Variants in TTN observed in about 807,000 individuals in gnomAD.
TTN encodes titin, also known as connectin.
TTN carries 1,525 observed loss-of-function variants against 3,223.0 expected under a neutral mutation model. The ratio of observed to expected loss-of-function variants is 0.47; its 90% CI spans 0.45 to 0.49. The LOEUF is 0.49. Ranked by LOEUF, TTN falls within the 20% of genes least tolerant of loss-of-function variation. The pLI is 0.00. For missense variants in TTN, 40,786 were observed against 43,424.0 expected (o/e 0.94, Z 5.40); for synonymous variants, 14,094 against 15,161.0 (o/e 0.93, Z 5.17).
chr2:178,541,252 A>G (rs766756891), intron 350 of TTN, 30 bp downstream of exon 350: 25 of 1,442,362 alleles, frequency 1.7e-5, no homozygotes, highest in Middle Eastern at 1.8e-4. Flanking sequence ...TTGTAACTCA[A>G]TCAATTTGAC....
At chr2:178,651,015 G>T (rs2062847975) in intron 208 of TTN, among the ~76,000 whole-genome samples, 181 bp from the exon 209 acceptor site, 1 of 152,026 alleles carries the variant, frequency 6.6e-6, no homozygotes, top group Non-Finnish European at 1.5e-5. Context: ...GGCCTATTAA[G>T]AATAAAAGAA....
At position 178,707,503 on chromosome 2, in the gene TTN, T is replaced by C. The variant is rs779730164; in HGVS notation, c.29041+23A>G. Reference sequence around the variant, plus strand: ...TGAGTGGTTGCTGGCTTGAGCTGCATAATACTTTTGAGGTGTCTGTACCTT... The same window carrying C: ...TGAGTGGTTGCTGGCTTGAGCTGCACAATACTTTTGAGGTGTCTGTACCTT... On this transcript the variant is annotated intron_variant, in intron 100 of 362. Transcript: ENST00000589042. 4 of 1,597,786 alleles carry C rather than the reference T, an allele frequency of 2.5e-6. No homozygotes were observed. In the African/African-American group the frequency reaches 5.4e-5, roughly 21 times the overall value.
Position 178,804,450 on chromosome 2 carries a change from T to C in TTN, c.91+102A>G, listed in dbSNP as rs988536027. 28 of 1,175,328 alleles carry C rather than the reference T, an allele frequency of 2.4e-5. No individual in the cohort carries two copies. The African/African-American group carries it at 4.2e-4, about 18-fold the overall frequency. 72.8% of individuals were successfully genotyped at this position (1,175,328 alleles called of 1,614,324 possible). On this transcript the variant is annotated intron_variant, in intron 2 of 362. Transcript: ENST00000589042. ...ATAGTGTTGGACTAATTTTCCGAAG[T>C]GAAAGCAGGGCTTAAACTTGGCGTC... is the stretch of plus-strand genomic sequence containing the variant.
Position 178,595,525 on chromosome 2 carries a change from C to G in TTN, c.57829G>C (p.Val19277Leu). The change falls in exon 295 of 363, where the codon GTT becomes CTT. Residue 19277 changes from valine (V) to leucine (L), a missense_variant. Transcript: ENST00000589042. ...TACTTACTTATTGGCTCTCTGATAACAAGTGCCTCTGATGTCTCAACAAAT... is the reference window on the plus strand; with the variant it reads ...TACTTACTTATTGGCTCTCTGATAAGAAGTGCCTCTGATGTCTCAACAAAT... ...GPFVETSEAL[V>L]IREPITVPER... 6.4e-7 allele frequency: 1 copy of G among 1,557,574 alleles called. No individual in the cohort carries two copies. Among genetic ancestry groups the G allele is most frequent in the Non-Finnish European group, 8.7e-7 (1 of 1,150,110 alleles).
In TTN at chr2:178,537,671, A is replaced by C. The variant is rs576759867; in HGVS notation, c.99536T>G (p.Val33179Gly). The change falls in exon 355 of 363, where the codon GTT (valine) becomes GGT (glycine). Residue 33179 changes from valine (V) to glycine (G), a missense_variant. Transcript: ENST00000589042. Reference protein sequence around the residue: ...GVYTCIATNEVGEVETSSKLL... With the variant: ...GVYTCIATNEGGEVETSSKLL... ...CTTACTACTGGTTTCTACTTCTCCA[A>C]CCTCATTGGTGGCTATGCAGGTATA... 6.2e-7 allele frequency: 1 copy of C among 1,613,748 alleles called. No individual in the cohort carries two copies. Among genetic ancestry groups the C allele is most frequent in the Non-Finnish European group, 8.5e-7 (1 of 1,179,782 alleles).
chr2:178,620,679 G>A, intron 247 of TTN, 36 bp downstream of exon 247: 2 of 1,604,448 alleles, frequency 1.2e-6, no homozygotes, highest in Admixed American at 1.7e-5. Context: ...AACAGAAACT[G>A]ATGAAAAAAT....
At chr2:178,588,399 A>G in intron 304 of TTN, 139 bp downstream of exon 304, 2 of 1,226,388 alleles carry the variant, frequency 1.6e-6, no homozygotes, top group Non-Finnish European at 2.2e-6. Context: ...TATTTTGGTA[A>G]AAGGTCTATT....
rs1416288780 is a variant in TTN at position 178,571,152 on chromosome 2, G to T, written c.74980C>A (p.Pro24994Thr). The change falls in exon 326 of 363, where the codon CCG becomes ACG. Residue 24994 changes from proline to threonine, a missense_variant. Physicochemically the swap from Pro to Thr is conservative, Grantham distance 38 (BLOSUM62 -1). Transcript: ENST00000589042. ...ACATAACATTCTGATACTTTACTCG[G>T]CTTGCCAATGCCCACGATGTTCTCT... ...SAENIVGIGK[P>T]SKVSECYVAR... 6.2e-7 allele frequency: 1 copy of T among 1,613,226 alleles called. No individual in the cohort carries two copies. Among genetic ancestry groups the T allele is most frequent in the Non-Finnish European group, 8.5e-7 (1 of 1,179,598 alleles).
intron 248 of TTN, 50 bp from the exon 249 acceptor site, chr2:178,620,162 T>C: frequency 1.3e-6 from 2 of 1,590,458 alleles, no homozygotes; most frequent in Non-Finnish European, 1.7e-6. Context: ...GGCCACTAAA[T>C]TGTCAAAAGT....
chr2:178,582,898 T>C (rs778872347), intron 313 of TTN, 42 bp downstream of exon 313: 2 of 1,433,840 alleles, frequency 1.4e-6, no homozygotes, highest in South Asian at 3.4e-5. Flanking sequence ...CATCCCATTA[T>C]CCAAAGTAAA....
chr2:178,584,560 T>C lies in TTN; in HGVS notation c.64991A>G (p.Lys21664Arg), dbSNP rs376637538. The change falls in exon 311 of 363, where the codon AAG (lysine) becomes AGG (arginine). Residue 21664 changes from lysine to arginine, a missense_variant. Coordinates refer to ENST00000589042, the MANE Select transcript of TTN (RefSeq NM_001267550.2). Reference protein sequence around the residue: ...QFPFGVPSEPKNARVTKVNKD... With the variant: ...QFPFGVPSEPRNARVTKVNKD... ...GTTGACTTTGGTGACTCGTGCATTC[T>C]TTGGTTCACTAGGAACACCTGGAGA... 6.2e-7 allele frequency: 1 copy of C among 1,612,098 alleles called. No individual in the cohort carries two copies. Among genetic ancestry groups the C allele is most frequent in the African/African-American group, 1.3e-5 (1 of 74,832 alleles).
chr2:178,636,062 G>C lies in TTN; in HGVS notation c.41509C>G (p.Leu13837Val). 6.2e-7 allele frequency: 1 copy of C among 1,613,274 alleles called. No individual in the cohort carries two copies. Residue 13837 changes from leucine to valine, a missense_variant, in exon 226 of 363, where the codon CTG (leucine) becomes GTG (valine). By Grantham distance (32) the Leu-to-Val change is conservative (BLOSUM62 1). Coordinates refer to ENST00000589042, the MANE Select transcript of TTN (RefSeq NM_001267550.2). This position sits in a 1 kb window ranked among gnomAD's most constrained non-coding sequence, Gnocchi z 4.3. ...GTGTCATCTGCATCGTTGATGGTCAGAGCCCGCATCAAGCCAATGACGCCT... is the reference window on the plus strand; with the variant it reads ...GTGTCATCTGCATCGTTGATGGTCACAGCCCGCATCAAGCCAATGACGCCT... ...VPGVIGLMRA[L>V]TINDADDTDA...
chr2:178,706,934 C>G lies in TTN; in HGVS notation c.29062G>C (p.Ala9688Pro), dbSNP rs749146795. The change falls in exon 101 of 363, where the codon GCA (alanine) becomes CCA (proline). Residue 9688 changes from alanine to proline, a missense_variant. Coordinates refer to ENST00000589042, the MANE Select transcript of TTN (RefSeq NM_001267550.2). Reference protein sequence around the residue: ...TIKDKPAVAPATKKAAVDGRL... With the variant: ...TIKDKPAVAPPTKKAAVDGRL... The stretch of plus-strand genomic sequence containing the variant: ...CCATCTACCGCAGCTTTCTTGGTTG[C>G]TGGGGCCACAGCTGGTTTGTCTGAA... The G allele has an allele frequency of 2.5e-5, 41 of 1,610,778 alleles. 1 individual carries two copies. Among genetic ancestry groups the G allele is most frequent in the Non-Finnish European group, 2.8e-5 (33 of 1,178,568 alleles).
chr2:178,682,779 T>G lies in TTN; in HGVS notation c.33012A>C (p.Glu11004Asp), dbSNP rs1201174660. The part of the protein sequence containing the change: ...EYDYKEFEEY[E>D]PTEEYDQYEE... ...CATATTGGTCATATTCTTCTGTTGG[T>G]TCATACTCCTCAAATTCTTTATAAT... The change falls in exon 135 of 363, where the codon GAA (glutamate) becomes GAC (aspartate). Residue 11004 changes from glutamate (E) to aspartate (D), a missense_variant. Physicochemically the swap from Glu to Asp is conservative, Grantham distance 45 (BLOSUM62 2). Coordinates refer to ENST00000589042, the MANE Select transcript of TTN (RefSeq NM_001267550.2). The G allele has an allele frequency of 1.2e-6, 2 of 1,613,128 alleles. No homozygotes were observed. The highest frequency in any genetic ancestry group is 1.7e-6 in the Non-Finnish European group (2 of 1,179,308).
rs2050474932 is a variant in TTN, at chr2:178,592,655, G to A, written c.59350C>T (p.Pro19784Ser). The A allele has an allele frequency of 2.5e-6, 4 of 1,612,752 alleles. No individual in the cohort carries two copies. The highest frequency in any genetic ancestry group is 3.4e-6 in the Non-Finnish European group (4 of 1,179,406). The change falls in exon 301 of 363, where the codon CCT (proline) becomes TCT (serine). Residue 19784 changes from proline (P) to serine (S), a missense_variant. Physicochemically the swap from Pro to Ser is moderately conservative, Grantham distance 74 (BLOSUM62 -1). Transcript: ENST00000589042. ...PVLVKDRLEP[P>S]ELILDANMAR... The stretch of plus-strand genomic sequence containing the variant: ...ATGTTGGCATCAAGAATCAACTCAG[G>A]GGGTTCTAGAATAAAGAGAACAGAA...
At position 178,566,613 on chromosome 2, in the gene TTN, C is replaced by T. The variant is rs554718474; in HGVS notation, c.79519G>A (p.Ala26507Thr). The T allele has an allele frequency of 1.6e-5, 25 of 1,612,514 alleles. No individual in the cohort carries two copies. In the Admixed American group the frequency reaches 2.8e-4, roughly 18 times the overall value. The part of the protein sequence containing the change: ...VDTTKNSITL[A>T]WGKPIYDGGS... ...CCATCATAGATGGGTTTACCCCAGG[C>T]AAGTGTGATTGAATTTTTAGTGGTG... The change falls in exon 326 of 363, where the codon GCC (alanine) becomes ACC (threonine). Residue 26507 changes from alanine (A) to threonine (T), a missense_variant. Physicochemically the swap from Ala to Thr is moderately conservative, Grantham distance 58 (BLOSUM62 0). Transcript: ENST00000589042.
In TTN at chr2:178,576,535, C is replaced by T. The variant is rs747464430; in HGVS notation, c.69709G>A (p.Ala23237Thr). 3 of 1,612,658 alleles carry T rather than the reference C, an allele frequency of 1.9e-6. No individual in the cohort carries two copies. The highest frequency in any genetic ancestry group is 2.2e-5 in the East Asian group (1 of 44,786). ...GAAAAAGACAAATACTAACATGCTG[C>T]ATCTTTCATCAGAACAGAATCTGAA... Reference protein sequence around the residue: ...EASDSVLMKDAAYPPGPPSNP... With the variant: ...EASDSVLMKDTAYPPGPPSNP... Residue 23237 changes from alanine to threonine, a missense_variant, in exon 325 of 363, where the codon GCA becomes ACA. Coordinates refer to ENST00000589042, the MANE Select transcript of TTN (RefSeq NM_001267550.2). This position sits in a 1 kb window ranked among gnomAD's most constrained non-coding sequence, Gnocchi z 4.3.
chr2:178,702,231 T>C lies in TTN; in HGVS notation c.30448A>G (p.Ile10150Val). The C allele has an allele frequency of 2.5e-6, 4 of 1,614,014 alleles. No homozygotes were observed. Among genetic ancestry groups the C allele is most frequent in the South Asian group, 2.2e-5 (2 of 91,086 alleles). The change falls in exon 108 of 363, where the codon ATC (isoleucine) becomes GTC (valine). Residue 10150 changes from isoleucine (I) to valine (V), a missense_variant. Transcript: ENST00000589042. ...TPDDEGVYSV[I>V]ARLEPRGEAR... ...TCACCTCTTGGCTCCAGCCGAGCGATGACCGAGTAGACACCTAGGGTGAAA... is the reference window on the plus strand; with the variant it reads ...TCACCTCTTGGCTCCAGCCGAGCGACGACCGAGTAGACACCTAGGGTGAAA...
rs71393434 is a variant in TTN at position 178,677,335 on chromosome 2, C to CATATACATATATATAT, written c.34292-49_34292-48insATATATATATGTATAT. On this transcript the variant is annotated intron_variant, in intron 146 of 362. Coordinates refer to ENST00000589042, the MANE Select transcript of TTN (RefSeq NM_001267550.2). ...GCATTAAAAACCACATATACATGGT[C>CATATACATATATATAT]ATATATATATATATATATATATATA... 3.2e-5 allele frequency: 8 copies of CATATACATATATATAT among 251,920 alleles called. No individual in the cohort carries two copies. The South Asian group carries it at 7.2e-4, about 23-fold the overall frequency. 15.6% of individuals were successfully genotyped at this position (251,920 alleles called of 1,614,324 possible). A position where few individuals can be genotyped will look rare whatever the true frequency, so the allele number is the denominator to read the frequency against.
Sources: gnomAD v4.1 joint callset for allele counts (sites outside exome capture counted in the v4.1 genomes callset) on GRCh38, gnomAD v4.1.1 for gene constraint, Gnocchi (gnomAD v3.1) non-coding constraint, MANE v1.5 for transcripts, NCBI Gene and HGNC (gene_info 2026-07-23, HGNC 2026-07-21) for gene names.